The following TEX11 variants were observed in gnomAD, a reference collection of about 807,000 sequenced individuals.
TEX11 encodes testis expressed 11, also known as testis-expressed protein 11.
Under a neutral mutation model 84.4 loss-of-function variants are expected in TEX11, and 7 were observed. The ratio of observed to expected loss-of-function variants is 0.08; its 90% CI spans 0.05 to 0.16. The LOEUF is 0.16. Ranked by LOEUF, TEX11 falls within the 10% of genes least tolerant of loss-of-function variation. The pLI is 1.00. For missense variants in TEX11, 551 were observed against 660.5 expected, an observed-to-expected ratio of 0.83 and a Z score of 1.82; for synonymous variants, 264 against 222.8, an observed-to-expected ratio of 1.18 and a Z score of -1.64.
At chrX:70,663,128 A>G (rs1240135347) in intron 16 of TEX11, among the ~76,000 whole-genome samples, 1 of 111,902 alleles carries the variant, frequency 8.9e-6, no homozygotes, top group Non-Finnish European at 1.9e-5. Flanking sequence ...ACATTTTATC[A>G]GGTTATACTG....
At chrX:70,573,907 G>C (rs771976791) in intron 25 of TEX11, among the ~76,000 whole-genome samples, 1 of 111,061 alleles carries the variant, frequency 9.0e-6, no homozygotes, top group African/African-American at 3.3e-5. Context: ...CATCCATGCT[G>C]GGCTTTGTTC....
intron 9 of TEX11, among the ~76,000 whole-genome samples, chrX:70,776,068 CTT>C (rs200378277): frequency 0.071 from 7,406 of 104,849 alleles, 231 homozygotes; most frequent in East Asian, 0.13. Flanking sequence ...AAAAAACAAA[CTT>C]ATAATAGAAC....
intron 11 of TEX11, among the ~76,000 whole-genome samples, chrX:70,732,182 C>A (rs1356543365): frequency 9.0e-6 from 1 of 111,585 alleles, no homozygotes. Flanking sequence ...CTATGACAAA[C>A]CCACAGCCTA....
intron 25 of TEX11, among the ~76,000 whole-genome samples, chrX:70,555,751 T>C (rs768524394): frequency 6.2e-5 from 7 of 112,196 alleles, no homozygotes; most frequent in Non-Finnish European, 1.3e-4. Flanking sequence ...TACATCTTCT[T>C]TAAATGTTAG....
intron 2 of TEX11, among the ~76,000 whole-genome samples, chrX:70,892,190 A>G (rs2091741817): frequency 8.9e-6 from 1 of 111,755 alleles, no homozygotes; most frequent in African/African-American, 3.3e-5. Context: ...CTTTCCAGAC[A>G]AGCAAATGCT....
At chrX:70,857,844 G>GTA (rs941124358) in intron 5 of TEX11, among the ~76,000 whole-genome samples, 172 of 110,954 alleles carry the variant, frequency 1.6e-3, no homozygotes, top group East Asian at 9.1e-3. Context: ...AAAAACTGTG[G>GTA]TATATATATA....
At chrX:70,801,865 AC>A (rs896019431) in intron 9 of TEX11, among the ~76,000 whole-genome samples, 4 of 110,817 alleles carry the variant, frequency 3.6e-5, no homozygotes, top group African/African-American at 1.3e-4. Context: ...GGGAAGTTGT[AC>A]TCTAGAGAAG....
chrX:70,527,905 T>C (rs1383945152), downstream of TEX11, among the ~76,000 whole-genome samples: 1 of 111,978 alleles, frequency 8.9e-6, no homozygotes, highest in African/African-American at 3.2e-5. Flanking sequence ...GCAACTTAAG[T>C]CTGAAACTAT....
chrX:70,636,270 C>T (rs1423979085), intron 17 of TEX11, among the ~76,000 whole-genome samples: 1 of 110,912 alleles, frequency 9.0e-6, no homozygotes, highest in Non-Finnish European at 1.9e-5. Context: ...TCAAGGCAGT[C>T]CTTGTGGCCC....
At chrX:70,522,052 G>A in the TEX11 span, among the ~76,000 whole-genome samples, 2 of 111,229 alleles carry the variant, frequency 1.8e-5, no homozygotes, top group Non-Finnish European at 3.8e-5. Flanking sequence ...TAGAGACTGG[G>A]TTTCACCATG....
intron 2 of TEX11, among the ~76,000 whole-genome samples, chrX:70,883,403 G>A (rs2091693172): frequency 9.0e-6 from 1 of 111,368 alleles, no homozygotes; most frequent in African/African-American, 3.3e-5. Context: ...GGGCAATATA[G>A]ACAGACCCCA....
chrX:70,547,698 G>C (rs748777712), intron 28 of TEX11, among the ~76,000 whole-genome samples: 1 of 112,129 alleles, frequency 8.9e-6, no homozygotes, highest in South Asian at 3.8e-4. Flanking sequence ...TCAGAGAAAT[G>C]CAAATCAAAA....
intron 25 of TEX11, among the ~76,000 whole-genome samples, chrX:70,567,341 C>A (rs938456563): frequency 3.6e-5 from 4 of 111,115 alleles, no homozygotes; most frequent in Non-Finnish European, 7.5e-5. Flanking sequence ...TTTGTTGATG[C>A]TTTCAGAAAA....
At chrX:70,859,116 G>A in intron 5 of TEX11, among the ~76,000 whole-genome samples, 1 of 110,861 alleles carries the variant, frequency 9.0e-6, no homozygotes, top group Non-Finnish European at 1.9e-5. Flanking sequence ...AAACAAGAGT[G>A]GCCATGAGTT....
intron 13 of TEX11, among the ~76,000 whole-genome samples, chrX:70,713,478 T>C (rs969006601): frequency 1.8e-5 from 2 of 112,067 alleles, no homozygotes; most frequent in African/African-American, 3.2e-5. Context: ...AGCCTGTTAT[T>C]GGTCTATTCA....
intron 11 of TEX11, among the ~76,000 whole-genome samples, chrX:70,730,224 T>G (rs2090635265): frequency 9.0e-6 from 1 of 110,913 alleles, no homozygotes; most frequent in African/African-American, 3.3e-5. Flanking sequence ...GTAAAGACCA[T>G]CAAGGCTGAA....
chrX:70,883,904 A>T (rs1479826456), intron 2 of TEX11, among the ~76,000 whole-genome samples: 1 of 111,544 alleles, frequency 9.0e-6, no homozygotes, highest in Non-Finnish European at 1.9e-5. Context: ...ACATGCAAAA[A>T]TCTATCAACT....
At chrX:70,668,381 ATATGATGG>A (rs1321016669) in intron 16 of TEX11, among the ~76,000 whole-genome samples, 1 of 112,485 alleles carries the variant, frequency 8.9e-6, no homozygotes, top group Non-Finnish European at 1.9e-5. Flanking sequence ...GATTATTAAA[ATATGATGG>A]ATTGTGTATT....
At chrX:70,578,915 C>T (rs1044169173) in intron 25 of TEX11, among the ~76,000 whole-genome samples, 38 of 106,929 alleles carry the variant, frequency 3.6e-4, no homozygotes, top group Admixed American at 2.0e-4. Context: ...GGATTACAGG[C>T]GCCCACCACC....
Sources: allele counts gnomAD v4.1 joint callset (sites outside exome capture counted in the v4.1 genomes callset), GRCh38; gene constraint gnomAD v4.1.1; transcripts MANE v1.5; gene names NCBI Gene and HGNC (gene_info 2026-07-23, HGNC 2026-07-21).